Variants in MEGF6 observed in about 807,000 individuals in gnomAD.
MEGF6 encodes the protein multiple epidermal growth factor-like domains protein 6.
In MEGF6, 184 loss-of-function variants were observed where a neutral mutation model predicts 207.1. The ratio of observed to expected loss-of-function variants is 0.89; its 90% CI spans 0.79 to 1.00. The LOEUF is 1.00. Among genes scored for constraint, MEGF6 ranks in the 50% least tolerant of loss-of-function variants. MEGF6 has a pLI of 0.00. For missense variants in MEGF6, 2,282 were observed against 2,202.9 expected (o/e 1.04, Z -0.72); for synonymous variants, 1,038 against 910.0 (o/e 1.14, Z -2.53).
intron 4 of MEGF6, among the ~76,000 whole-genome samples, chr1:3,550,622 C>T (rs940550973): frequency 1.3e-5 from 2 of 152,274 alleles, no homozygotes; most frequent in Admixed American, 1.3e-4. Flanking sequence ...CAGAAAGAAG[C>T]GGTCGTGCCC....
At chr1:3,580,436 G>T (rs1235459548) in intron 3 of MEGF6, among the ~76,000 whole-genome samples, 2 of 152,212 alleles carry the variant, frequency 1.3e-5, no homozygotes, top group East Asian at 3.9e-4. Flanking sequence ...AGGAGGAAAG[G>T]TCCCGGCAGG....
intron 32 of MEGF6, 91 bp from the exon 33 acceptor site, chr1:3,494,215 C>T: frequency 6.7e-7 from 1 of 1,493,120 alleles, no homozygotes. Context: ...AATCCAGGGG[C>T]CCGAGAAAAG....
chr1:3,582,286 C>T (rs1376710855), intron 3 of MEGF6, among the ~76,000 whole-genome samples: 1 of 152,226 alleles, frequency 6.6e-6, no homozygotes, highest in Non-Finnish European at 1.5e-5. Context: ...GGGGCAGTCA[C>T]TGGGATGCGC....
chr1:3,527,376 C>G (rs528217354), intron 4 of MEGF6, among the ~76,000 whole-genome samples: 2 of 152,228 alleles, frequency 1.3e-5, no homozygotes, highest in Admixed American at 6.5e-5. Flanking sequence ...AGAGATGACA[C>G]GAACAGCCCC....
intron 12 of MEGF6, among the ~76,000 whole-genome samples, 186 bp downstream of exon 12, chr1:3,508,889 G>A (rs558418123): frequency 3.9e-5 from 6 of 152,292 alleles, no homozygotes; most frequent in Admixed American, 6.5e-5. Flanking sequence ...GGTCCCGCCC[G>A]GCTCAGCCCG....
chr1:3,521,463 C>T (rs928273368), intron 5 of MEGF6, among the ~76,000 whole-genome samples: 2 of 152,198 alleles, frequency 1.3e-5, no homozygotes, highest in Admixed American at 1.3e-4. Context: ...CAGGGCAGCC[C>T]TTGGCCAGGA....
intron 2 of MEGF6, among the ~76,000 whole-genome samples, chr1:3,596,486 C>T (rs1465725390): frequency 4.8e-5 from 7 of 146,572 alleles, no homozygotes; most frequent in East Asian, 2.1e-4. Flanking sequence ...GGGCACCCCG[C>T]GCCATCCCCT....
At position 3,502,052 on chromosome 1, in the gene MEGF6, G is replaced by GGCTCCTGGCGAGTGTGCCCCCC. The variant is rs1569967068; in HGVS notation, c.2189-132_2189-131insGGGGGGCACACTCGCCAGGAGC. 1,309 of 271,644 alleles carry GGCTCCTGGCGAGTGTGCCCCCC rather than the reference G, an allele frequency of 4.8e-3. 323 individuals are homozygous for GGCTCCTGGCGAGTGTGCCCCCC. The highest frequency in any genetic ancestry group is 7.9e-3 in the Admixed American group (54 of 6,804). The allele number at this position is 271,644 out of a possible 1,614,324, so 16.8% of individuals were successfully genotyped here. ...GGCTCCTGGCGAGTGTGCCCCCCCG[G>GGCTCCTGGCGAGTGTGCCCCCC]CGCCTCCTCACATGGGCTCCTGGCG... On this transcript the variant is annotated intron_variant, in intron 17 of 36. Transcript: ENST00000356575.
At chr1:3,501,339 C>T (rs752862668) in intron 18 of MEGF6, 31 bp from the exon 19 acceptor site, 33 of 1,573,612 alleles carry the variant, frequency 2.1e-5, no homozygotes, top group Non-Finnish European at 2.8e-5. Flanking sequence ...CAGTCAGTGC[C>T]CAAGCTGCCC....
intron 1 of MEGF6, among the ~76,000 whole-genome samples, chr1:3,610,490 C>T (rs1003107285): frequency 1.1e-5 from 1 of 95,154 alleles, no homozygotes; most frequent in Non-Finnish European, 2.2e-5. Flanking sequence ...CCTCCTCCTC[C>T]TCCTCCTCCT....
chr1:3,496,139 G>C, intron 29 of MEGF6, 121 bp from the exon 30 acceptor site: 1 of 1,369,114 alleles, frequency 7.3e-7, no homozygotes, highest in South Asian at 1.5e-5. Flanking sequence ...CCCCAGACAG[G>C]GTGGGGCCAG....
At chr1:3,554,029 C>A (rs1347925963) in intron 4 of MEGF6, among the ~76,000 whole-genome samples, 1 of 152,220 alleles carries the variant, frequency 6.6e-6, no homozygotes, top group Non-Finnish European at 1.5e-5. Flanking sequence ...GCGGGGGGCC[C>A]TGTGCGAGCT....
chr1:3,521,555 C>T (rs1405818735), intron 5 of MEGF6, among the ~76,000 whole-genome samples: 1 of 152,162 alleles, frequency 6.6e-6, no homozygotes. Flanking sequence ...CAACAAGAAG[C>T]GGCTTGAGAC....
intron 36 of MEGF6, 32 bp downstream of exon 36, chr1:3,490,880 G>A: frequency 6.4e-7 from 1 of 1,565,486 alleles, no homozygotes; most frequent in South Asian, 1.2e-5. Context: ...CACCCTCCTG[G>A]CAAGCCCACG....
At chr1:3,566,877 G>A (rs74048627) in intron 4 of MEGF6, among the ~76,000 whole-genome samples, 2,155 of 152,300 alleles carry the variant, frequency 0.014, 57 homozygotes, top group African/African-American at 0.05. Context: ...TCCAGCCTCA[G>A]AAATAACTGG....
At chr1:3,511,504 G>C (rs762320560) in intron 9 of MEGF6, 46 bp downstream of exon 9, 1 of 1,564,422 alleles carries the variant, frequency 6.4e-7, no homozygotes, top group Non-Finnish European at 8.7e-7. Context: ...GGCAGCAGCG[G>C]GTCCCTGGAG....
Position 3,511,532 on chromosome 1 carries a change from G to A in MEGF6, c.1114+18C>T. ...CCCTGGAGTGGGGTGCAGGCATCTG[G>A]GAGGAGCCAGTGCGCACCGATGCAG... On this transcript the variant is annotated intron_variant, in intron 9 of 36. Transcript: ENST00000356575. 6.3e-7 allele frequency: 1 copy of A among 1,593,320 alleles called. No homozygotes were observed. The highest frequency in any genetic ancestry group is 1.3e-5 in the African/African-American group (1 of 74,658).
chr1:3,605,753 T>C (rs573218361), intron 1 of MEGF6, among the ~76,000 whole-genome samples: 17 of 152,302 alleles, frequency 1.1e-4, no homozygotes, highest in Non-Finnish European at 1.8e-4. Context: ...CACACTCACT[T>C]ACACACTTTG....
intron 4 of MEGF6, among the ~76,000 whole-genome samples, chr1:3,562,180 T>G (rs1007112187): frequency 1.3e-5 from 2 of 152,204 alleles, no homozygotes; most frequent in Non-Finnish European, 2.9e-5. Context: ...TCTCTGTCCT[T>G]TCTCTGTGTC....
Sources: allele counts gnomAD v4.1 joint callset (sites outside exome capture counted in the v4.1 genomes callset), GRCh38; gene constraint gnomAD v4.1.1; transcripts MANE v1.5; gene names NCBI Gene and HGNC (gene_info 2026-07-23, HGNC 2026-07-21).